CNMD: variants seen among roughly 807,000 people sequenced by gnomAD.
CNMD encodes the protein chondromodulin, also known as leukocyte cell-derived chemotaxin 1.
In CNMD, 30 loss-of-function variants were observed where a neutral mutation model predicts 37.5. The ratio of observed to expected loss-of-function variants is 0.80; its 90% CI spans 0.60 to 1.09. The LOEUF (loss-of-function observed/expected upper bound fraction) is 1.09, where lower values mean the gene tolerates loss of function less well. Ranked by LOEUF, CNMD falls within the 50% of genes least tolerant of loss-of-function variation. The probability of loss-of-function intolerance (pLI) is 0.00; values close to 1 mark genes in which losing one functional copy is unlikely to be tolerated. For missense variants in CNMD, 398 were observed against 423.9 expected, an observed-to-expected ratio of 0.94 and a Z score of 0.54; for synonymous variants, 167 against 148.2, an observed-to-expected ratio of 1.13 and a Z score of -0.92.
rs1964839452 is a variant in CNMD, at chr13:52,739,215, A to G, written c.73-44T>C. On this transcript the variant is annotated intron_variant, in intron 1 of 6. Coordinates refer to ENST00000377962, the MANE Select transcript of CNMD (RefSeq NM_007015.3). This position sits in a 1 kb window ranked among gnomAD's most constrained non-coding sequence, Gnocchi z 5.4. Reference sequence around the variant, plus strand: ...GAGGGACCGTCGCGTTTGTGCCGCCAGCACCTGCGGCCCCCAGCGCACCCG... The same window carrying G: ...GAGGGACCGTCGCGTTTGTGCCGCCGGCACCTGCGGCCCCCAGCGCACCCG... 7.0e-7 allele frequency: 1 copy of G among 1,436,390 alleles called. No homozygotes were observed. The highest frequency in any genetic ancestry group is 2.9e-5 in the Admixed American group (1 of 34,142). 89.0% of individuals were successfully genotyped at this position (1,436,390 alleles called of 1,614,324 possible).
At chr13:52,728,814 C>T (rs1964617546) in intron 3 of CNMD, among the ~76,000 whole-genome samples, 2 of 152,096 alleles carry the variant, frequency 1.3e-5, no homozygotes, top group Admixed American at 1.3e-4. Flanking sequence ...ACAGTCGACA[C>T]ACCGCAGTGA....
At chr13:52,715,782 T>C (rs754288837) in intron 4 of CNMD, among the ~76,000 whole-genome samples, 3 of 152,210 alleles carry the variant, frequency 2.0e-5, no homozygotes, top group Non-Finnish European at 2.9e-5. Flanking sequence ...TCCAAGTCTT[T>C]GCTATTGTGA....
rs1054429292 is a variant in CNMD, at chr13:52,707,096, G to A, written c.789+1440C>T. 2.4e-4 allele frequency among the ~76,000 whole-genome samples: 36 copies of A among 152,080 alleles called. 1 individual carries two copies. The highest frequency in any genetic ancestry group is 5.0e-4 in the Non-Finnish European group (34 of 68,014). ...TTTAGTAGAGACGGGGTTTTACCATGTTGGCCAGGCTGGTCTTGAACTCCT... is the reference window on the plus strand; with the variant it reads ...TTTAGTAGAGACGGGGTTTTACCATATTGGCCAGGCTGGTCTTGAACTCCT... On this transcript the variant is annotated intron_variant, in intron 6 of 6. Coordinates refer to ENST00000377962, the MANE Select transcript of CNMD (RefSeq NM_007015.3).
At chr13:52,729,306 T>C (rs1331321257) in intron 3 of CNMD, among the ~76,000 whole-genome samples, 1 of 152,182 alleles carries the variant, frequency 6.6e-6, no homozygotes, top group African/African-American at 2.4e-5. Context: ...GGGACAGTCC[T>C]GAAGAACTAA....
At chr13:52,734,995 C>T (rs1038649182) in intron 2 of CNMD, among the ~76,000 whole-genome samples, 2 of 152,186 alleles carry the variant, frequency 1.3e-5, no homozygotes, top group Non-Finnish European at 2.9e-5. Flanking sequence ...CCTTTTTCAG[C>T]TCAACCATCC....
chr13:52,727,971 A>G (rs1391128454), intron 3 of CNMD, among the ~76,000 whole-genome samples: 1 of 152,264 alleles, frequency 6.6e-6, no homozygotes, highest in Non-Finnish European at 1.5e-5. Context: ...AATGTTCCCA[A>G]CACATAGAAA....
At chr13:52,711,208 T>C (rs1410468192) in intron 5 of CNMD, among the ~76,000 whole-genome samples, 1 of 152,162 alleles carries the variant, frequency 6.6e-6, no homozygotes, top group Non-Finnish European at 1.5e-5. Flanking sequence ...GTAAGAGGCT[T>C]GTCCTCAATG....
chr13:52,739,778 G>T lies in CNMD; in HGVS notation c.-77C>A. The T allele has an allele frequency of 7.4e-7, 1 of 1,342,686 alleles. No homozygotes were observed. Among genetic ancestry groups the T allele is most frequent in the Non-Finnish European group, 1.1e-6 (1 of 940,948 alleles). 83.2% of individuals were successfully genotyped at this position (1,342,686 alleles called of 1,614,324 possible). ...TCTGTCCCGCTGCCCCGACGTGCAG[G>T]GCATTTCAACGCCGCGCGCACACAC... is the stretch of plus-strand genomic sequence containing the variant. On this transcript the variant is annotated 5_prime_UTR_variant, in exon 1 of 7. Coordinates refer to ENST00000377962, the MANE Select transcript of CNMD (RefSeq NM_007015.3). This position sits in a 1 kb window ranked among gnomAD's most constrained non-coding sequence, Gnocchi z 5.4.
rs114213330 is a variant in CNMD at position 52,737,950 on chromosome 13, C to T, written c.213+1081G>A. Reference sequence around the variant, plus strand: ...CTAAAACAGACTCGGTGCTAAATGGCATGCTTATCTACATTAGACATTTGA... The same window carrying T: ...CTAAAACAGACTCGGTGCTAAATGGTATGCTTATCTACATTAGACATTTGA... On this transcript the variant is annotated intron_variant, in intron 2 of 6. Coordinates refer to ENST00000377962, the MANE Select transcript of CNMD (RefSeq NM_007015.3). Among the ~76,000 whole-genome samples, 630 of 152,338 alleles carry T rather than the reference C, an allele frequency of 4.1e-3. 8 individuals carry two copies. Among genetic ancestry groups the T allele is most frequent in the African/African-American group, 0.014 (602 of 41,574 alleles).
At position 52,739,597 on chromosome 13, in the gene CNMD, G is replaced by T; in HGVS notation, c.72+33C>A. On this transcript the variant is annotated intron_variant, in intron 1 of 6. Transcript: ENST00000377962. The surrounding 1 kb of genome is among the most constrained non-coding windows in gnomAD (Gnocchi z 5.4). ...TGGAACCTGATACTCACACAACCCAGGCCCTGCGTGTGGAATCCCTGGCGG... is the reference window on the plus strand; with the variant it reads ...TGGAACCTGATACTCACACAACCCATGCCCTGCGTGTGGAATCCCTGGCGG... 1 of 1,586,840 alleles carries T rather than the reference G, an allele frequency of 6.3e-7. No homozygotes were observed. The highest frequency in any genetic ancestry group is 8.7e-7 in the Non-Finnish European group (1 of 1,155,166).
At chr13:52,707,961 A>G (rs976197667) in intron 6 of CNMD, among the ~76,000 whole-genome samples, 2 of 151,754 alleles carry the variant, frequency 1.3e-5, no homozygotes, top group Non-Finnish European at 2.9e-5. Context: ...AAAAAATACA[A>G]AAAATTAGCT....
chr13:52,723,758 T>C (rs1301079136), intron 4 of CNMD, among the ~76,000 whole-genome samples: 1 of 152,054 alleles, frequency 6.6e-6, no homozygotes, highest in East Asian at 1.9e-4. Context: ...GGTGAAACCC[T>C]GTATCTATTA....
chr13:52,726,830 A>G (rs1453579570), intron 3 of CNMD, among the ~76,000 whole-genome samples: 1 of 152,208 alleles, frequency 6.6e-6, no homozygotes, highest in African/African-American at 2.4e-5. Flanking sequence ...AGAATACTGA[A>G]AAACATGACA....
intron 4 of CNMD, among the ~76,000 whole-genome samples, chr13:52,720,743 C>T (rs146205370): frequency 4.0e-5 from 6 of 151,694 alleles, no homozygotes; most frequent in Admixed American, 2.0e-4. Context: ...TCTGTCAATC[C>T]CTGCTGGGAG....
In CNMD at chr13:52,739,750, G is replaced by A. The variant is rs1427787930; in HGVS notation, c.-49C>T. On this transcript the variant is annotated 5_prime_UTR_variant, in exon 1 of 7. Coordinates refer to ENST00000377962, the MANE Select transcript of CNMD (RefSeq NM_007015.3). This position sits in a 1 kb window ranked among gnomAD's most constrained non-coding sequence, Gnocchi z 5.4. The stretch of plus-strand genomic sequence containing the variant: ...ACTTGGAGACTCCCTGGGCACCCTG[G>A]GATCTGTCCCGCTGCCCCGACGTGC... 1 of 1,525,492 alleles carries A rather than the reference G, an allele frequency of 6.6e-7. No homozygotes were observed. The highest frequency in any genetic ancestry group is 1.1e-5 in the South Asian group (1 of 88,798). The allele number at this position is 1,525,492 out of a possible 1,614,324, so 94.5% of individuals were successfully genotyped here. A position where few individuals can be genotyped will look rare whatever the true frequency, so the allele number is the denominator to read the frequency against.
At chr13:52,705,973 G>T (rs9526986) in intron 6 of CNMD, among the ~76,000 whole-genome samples, 5,454 of 152,266 alleles carry the variant, frequency 0.036, 129 homozygotes, top group South Asian at 0.064. Flanking sequence ...TGAATTTTCT[G>T]ATAAGCCTTT....
intron 3 of CNMD, among the ~76,000 whole-genome samples, chr13:52,729,978 C>T (rs1964637244): frequency 7.5e-6 from 1 of 133,156 alleles, no homozygotes. Context: ...ATCCCTCCCC[C>T]CACCCCACAG....
At chr13:52,716,292 G>A (rs1435062539) in intron 4 of CNMD, among the ~76,000 whole-genome samples, 3 of 152,184 alleles carry the variant, frequency 2.0e-5, no homozygotes, top group Non-Finnish European at 2.9e-5. Flanking sequence ...CTCCCATTCT[G>A]TAGATTGCCT....
In CNMD at chr13:52,724,979, G is replaced by A. The variant is rs79716671; in HGVS notation, c.355-869C>T. On this transcript the variant is annotated intron_variant, in intron 3 of 6. Transcript: ENST00000377962. ...AAGAAAAATAAGACAGGAATGATGA[G>A]GTGGTAATTTAGACAGACAGCATAG... Among the ~76,000 whole-genome samples the A allele has an allele frequency of 3.5e-3, 539 of 152,314 alleles. 4 individuals are homozygous for A. Among genetic ancestry groups the A allele is most frequent in the Middle Eastern group, 0.01 (3 of 294 alleles).
Sources: gnomAD v4.1 joint callset for allele counts (sites outside exome capture counted in the v4.1 genomes callset) on GRCh38, gnomAD v4.1.1 for gene constraint, Gnocchi (gnomAD v3.1) non-coding constraint, MANE v1.5 for transcripts, NCBI Gene and HGNC (gene_info 2026-07-23, HGNC 2026-07-21) for gene names.